Variants in VAPB observed in about 807,000 individuals in gnomAD.
VAPB encodes the protein vesicle-associated membrane protein-associated protein B/C.
A neutral mutation model predicts 25.6 loss-of-function variants in VAPB; 7 were observed. The ratio of observed to expected loss-of-function variants is 0.27; its 90% confidence interval spans 0.16 to 0.51. VAPB has a LOEUF of 0.51. Ranked by LOEUF, VAPB falls within the 20% of genes least tolerant of loss-of-function variation. VAPB has a pLI of 0.97. For missense variants in VAPB, 266 were observed against 301.3 expected (o/e 0.88, Z 0.87); for synonymous variants, 112 against 109.2 (o/e 1.03, Z -0.16).
At chr20:58,393,736 GTTTTGTTTTT>G (rs980598876) in intron 1 of VAPB, among the ~76,000 whole-genome samples, 11 of 142,178 alleles carry the variant, frequency 7.7e-5, no homozygotes, top group East Asian at 2.3e-4. Flanking sequence ...GTTTTGTTTT[GTTTTGTTTTT>G]TTTGAGATGG....
chr20:58,389,605 C>T, intron 1 of VAPB, 88 bp downstream of exon 1: 1 of 1,421,980 alleles, frequency 7.0e-7, no homozygotes, highest in Non-Finnish European at 9.4e-7. Context: ...TGACGTCGGC[C>T]CTCGTCCCCA....
chr20:58,396,665 T>G (rs1373091332), intron 1 of VAPB, among the ~76,000 whole-genome samples: 1 of 152,114 alleles, frequency 6.6e-6, no homozygotes, highest in African/African-American at 2.4e-5. Context: ...CAACACCCCG[T>G]TGGGTCGGGT....
intron 1 of VAPB, 131 bp downstream of exon 1, chr20:58,389,648 C>T: frequency 2.1e-6 from 2 of 974,034 alleles, no homozygotes; most frequent in South Asian, 2.4e-5. Flanking sequence ...GGCGGCGAGG[C>T]CGGGCCGGGC....
rs1327661026 is a variant in VAPB at position 58,447,485 on chromosome 20, T to A, written c.*3250T>A. 1 of 454,060 alleles carries A rather than the reference T, an allele frequency of 2.2e-6. No homozygotes were observed. 28.1% of individuals were successfully genotyped at this position (454,060 alleles called of 1,614,324 possible). A position where few individuals can be genotyped will look rare whatever the true frequency, so the allele number is the denominator to read the frequency against. On this transcript the variant is annotated 3_prime_UTR_variant, in exon 6 of 6. Coordinates refer to ENST00000475243, the MANE Select transcript of VAPB (RefSeq NM_004738.5). ...ACAGAAGGGGGAAAAATGAAGAACC[T>A]CCAGTGATCCGTGAAAACCTAAACG... is the stretch of plus-strand genomic sequence containing the variant.
chr20:58,450,934 GAGA>G lies in VAPB; in HGVS notation c.*6702_*6704del, dbSNP rs1463892575. On this transcript the variant is annotated 3_prime_UTR_variant, in exon 6 of 6. Transcript: ENST00000475243. The stretch of plus-strand genomic sequence containing the variant: ...GGCAGCTGACATGATGTTTCCCAGA[GAGA>G]AGGAGATGTATTTCTGCAGGGTCCA... 2.9e-5 allele frequency: 13 copies of G among 454,114 alleles called. No homozygotes were observed. The East Asian group carries it at 7.6e-4, about 27-fold the overall frequency. The allele number at this position is 454,114 out of a possible 1,614,324, so 28.1% of individuals were successfully genotyped here. A position where few individuals can be genotyped will look rare whatever the true frequency, so the allele number is the denominator to read the frequency against.
intron 1 of VAPB, among the ~76,000 whole-genome samples, chr20:58,390,989 C>T (rs1404776648): frequency 1.3e-5 from 2 of 152,234 alleles, no homozygotes; most frequent in South Asian, 4.1e-4. Context: ...CCAAACCTAC[C>T]GTGGATTGTA....
intron 1 of VAPB, among the ~76,000 whole-genome samples, chr20:58,407,240 C>T (rs1988253089): frequency 6.6e-6 from 1 of 152,158 alleles, no homozygotes; most frequent in Non-Finnish European, 1.5e-5. Context: ...ATTTGAAGTT[C>T]ATACAGAAGC....
intron 2 of VAPB, among the ~76,000 whole-genome samples, chr20:58,430,806 C>T (rs1988910387): frequency 6.6e-6 from 1 of 152,092 alleles, no homozygotes; most frequent in Non-Finnish European, 1.5e-5. Context: ...GAACTCTTGA[C>T]CTCAGGTGAT....
At chr20:58,443,590 C>G (rs937897644) in intron 5 of VAPB, among the ~76,000 whole-genome samples, 2 of 151,466 alleles carry the variant, frequency 1.3e-5, no homozygotes, top group African/African-American at 4.9e-5. Flanking sequence ...GCCCAGTTGA[C>G]TTTGTAGATT....
At chr20:58,398,919 G>T (rs1473884212) in intron 1 of VAPB, among the ~76,000 whole-genome samples, 1 of 151,638 alleles carries the variant, frequency 6.6e-6, no homozygotes, top group Non-Finnish European at 1.5e-5. Flanking sequence ...GTGGGAGTGT[G>T]CCCTTGGCTT....
chr20:58,445,199 A>G lies in VAPB; in HGVS notation c.*964A>G, dbSNP rs1989256201. 2.2e-6 allele frequency: 1 copy of G among 453,890 alleles called. No individual in the cohort carries two copies. 28.1% of individuals were successfully genotyped at this position (453,890 alleles called of 1,614,324 possible). On this transcript the variant is annotated 3_prime_UTR_variant, in exon 6 of 6. Transcript: ENST00000475243. ...GGGAAATTCTCAGTAGTGACAGTCA[A>G]CTCTAGGTTACCTTTTTTAATGAAG...
At chr20:58,429,354 C>A (rs1049156858) in intron 2 of VAPB, among the ~76,000 whole-genome samples, 6 of 152,236 alleles carry the variant, frequency 3.9e-5, no homozygotes, top group Non-Finnish European at 8.8e-5. Flanking sequence ...GGACCTGCTA[C>A]CTCAGGCTGT....
chr20:58,416,607 C>A, intron 1 of VAPB, among the ~76,000 whole-genome samples: 1 of 152,070 alleles, frequency 6.6e-6, no homozygotes, highest in Non-Finnish European at 1.5e-5. Flanking sequence ...CTCTAATATG[C>A]ACATGAGTAA....
In VAPB at chr20:58,389,407, C is replaced by T. The variant is rs1303682276; in HGVS notation, c.-53C>T. 1.3e-6 allele frequency: 2 copies of T among 1,555,370 alleles called. No homozygotes were observed. The highest frequency in any genetic ancestry group is 1.4e-5 in the African/African-American group (1 of 72,718). On this transcript the variant is annotated 5_prime_UTR_variant, in exon 1 of 6. Transcript: ENST00000475243. ...CGGGCGCAGCATTAACGCTTCCCGC[C>T]CCGGTGACCTCTCAGGGGTCTCCCC...
intron 1 of VAPB, chr20:58,390,278 T>G (rs1987761582): frequency 6.6e-6 from 1 of 152,170 alleles, no homozygotes; most frequent in Non-Finnish European, 1.5e-5. Context: ...CAGAGCTGTC[T>G]GGAGCAACAC....
chr20:58,441,599 G>A (rs1300401904), intron 5 of VAPB, among the ~76,000 whole-genome samples: 1 of 152,198 alleles, frequency 6.6e-6, no homozygotes, highest in Non-Finnish European at 1.5e-5. Context: ...CTGAGATCGT[G>A]CCACTGCCCT....
Position 58,450,233 on chromosome 20 carries a change from C to T in VAPB, c.*5998C>T, listed in dbSNP as rs993590155. ...TCCATGTTAAAATGTTTTTCCATTG[C>T]ATCTTTTATGTGAATTCAAAGGTCA... is the stretch of plus-strand genomic sequence containing the variant. On this transcript the variant is annotated 3_prime_UTR_variant, in exon 6 of 6. Transcript: ENST00000475243. 1.1e-5 allele frequency: 5 copies of T among 452,030 alleles called. No individual in the cohort carries two copies. The highest frequency in any genetic ancestry group is 1.3e-5 in the Non-Finnish European group (3 of 225,450). 28.0% of individuals were successfully genotyped at this position (452,030 alleles called of 1,614,324 possible). A position where few individuals can be genotyped will look rare whatever the true frequency, so the allele number is the denominator to read the frequency against.
intron 1 of VAPB, among the ~76,000 whole-genome samples, chr20:58,414,580 C>A (rs868601918): frequency 6.6e-6 from 1 of 150,744 alleles, no homozygotes; most frequent in African/African-American, 2.4e-5. Context: ...TCCTCACATC[C>A]CAGACGGGGC....
chr20:58,414,968 A>G (rs6026251), intron 1 of VAPB, among the ~76,000 whole-genome samples: 43,286 of 149,020 alleles, frequency 0.29, 2,681 homozygotes, highest in African/African-American at 0.31. Context: ...TCCGCCTGCA[A>G]TCCCGGCACG....
Sources: allele counts gnomAD v4.1 joint callset (sites outside exome capture counted in the v4.1 genomes callset), GRCh38; gene constraint gnomAD v4.1.1; transcripts MANE v1.5; gene names NCBI Gene and HGNC (gene_info 2026-07-23, HGNC 2026-07-21).